NRG2: variants seen among roughly 807,000 people sequenced by gnomAD.
NRG2 encodes neuregulin 2, also known as pro-neuregulin-2, membrane-bound isoform.
In NRG2, 27 loss-of-function variants were observed where a neutral mutation model predicts 73.9. That is an observed-to-expected ratio of 0.37 (90% CI 0.27 to 0.50). The LOEUF is 0.50. Among genes scored for constraint, NRG2 ranks in the 20% least tolerant of loss-of-function variants. NRG2 has a pLI of 0.96. For synonymous variants in NRG2, 532 were observed against 541.0 expected (o/e 0.98, Z 0.23); for missense variants, 1,126 against 1,210.1 (o/e 0.93, Z 1.03).
At chr5:140,028,889 T>A (rs1760910316) in intron 1 of NRG2, among the ~76,000 whole-genome samples, 1 of 152,104 alleles carries the variant, frequency 6.6e-6, no homozygotes. Flanking sequence ...GGCCCTCTCT[T>A]GGGATGCTTA....
chr5:140,034,488 G>C (rs1424893851), intron 1 of NRG2, among the ~76,000 whole-genome samples: 1 of 152,140 alleles, frequency 6.6e-6, no homozygotes, highest in African/African-American at 2.4e-5. Flanking sequence ...CCTAGCCAGT[G>C]TAATAAGGCA....
intron 1 of NRG2, among the ~76,000 whole-genome samples, chr5:139,977,698 AC>A (rs10716353): frequency 0.079 from 12,051 of 152,284 alleles, 690 homozygotes; most frequent in African/African-American, 0.17. Context: ...AAATGATACT[AC>A]AAGGCTACAG....
chr5:140,034,680 A>T (rs1348105572), intron 1 of NRG2, among the ~76,000 whole-genome samples: 1 of 152,200 alleles, frequency 6.6e-6, no homozygotes, highest in Non-Finnish European at 1.5e-5. Context: ...AAAACAAAAC[A>T]ATGATATTTC....
At chr5:140,019,283 G>C (rs984337582) in intron 1 of NRG2, among the ~76,000 whole-genome samples, 1 of 152,340 alleles carries the variant, frequency 6.6e-6, no homozygotes, top group Non-Finnish European at 1.5e-5. Flanking sequence ...ACACAGCCCA[G>C]TTCCAACAAG....
At chr5:139,909,586 T>G (rs543570787) in intron 1 of NRG2, among the ~76,000 whole-genome samples, 1 of 152,344 alleles carries the variant, frequency 6.6e-6, no homozygotes, top group East Asian at 1.9e-4. Context: ...TTAAAAGTCC[T>G]TGGAGGATAT....
chr5:140,015,576 G>A (rs922359175), intron 1 of NRG2, among the ~76,000 whole-genome samples: 1 of 152,208 alleles, frequency 6.6e-6, no homozygotes, highest in African/African-American at 2.4e-5. Context: ...GACTGGATCT[G>A]TGCGGTACCA....
chr5:139,852,654 C>G lies in NRG2; in HGVS notation c.1417-95G>C. 3.9e-6 allele frequency: 6 copies of G among 1,543,940 alleles called. No homozygotes were observed. Among genetic ancestry groups the G allele is most frequent in the Non-Finnish European group, 5.3e-6 (6 of 1,139,758 alleles). ...GGAAGTGATGAGCACTGACTGAGCT[C>G]CTGGTTGGGGAGACCCACTGTGTGA... On this transcript the variant is annotated intron_variant, in intron 7 of 9. Transcript: ENST00000361474. This position sits in a 1 kb window ranked among gnomAD's most constrained non-coding sequence, Gnocchi z 4.4.
At chr5:139,872,180 G>A (rs1298676588) in intron 3 of NRG2, among the ~76,000 whole-genome samples, 1 of 152,188 alleles carries the variant, frequency 6.6e-6, no homozygotes, top group Non-Finnish European at 1.5e-5. Context: ...TTCCCTGCCT[G>A]GCTTTCCGGG....
intron 1 of NRG2, among the ~76,000 whole-genome samples, chr5:139,913,387 C>T (rs577320959): frequency 2.0e-5 from 3 of 152,320 alleles, no homozygotes; most frequent in Admixed American, 6.5e-5. Flanking sequence ...CACCACAAGC[C>T]TTTGTCTAAT....
At chr5:139,906,679 G>A (rs1201811887) in intron 1 of NRG2, among the ~76,000 whole-genome samples, 1 of 152,206 alleles carries the variant, frequency 6.6e-6, no homozygotes, top group Non-Finnish European at 1.5e-5. Context: ...GTAAAGGCTG[G>A]TGGGGATGGA....
chr5:140,025,083 G>A (rs779215704), intron 1 of NRG2, among the ~76,000 whole-genome samples: 8 of 152,112 alleles, frequency 5.3e-5, no homozygotes, highest in Admixed American at 2.0e-4. Flanking sequence ...TTTCCAGGAA[G>A]GACTTTCATT....
chr5:139,884,409 A>AGTGTGGCAGTGTGAGGAAACT (rs1222436396), intron 2 of NRG2, among the ~76,000 whole-genome samples: 1 of 152,176 alleles, frequency 6.6e-6, no homozygotes, highest in Non-Finnish European at 1.5e-5. Flanking sequence ...AGCGGCCGAG[A>AGTGTGGCAGTGTGAGGAAACT]GTGTGGCAGT....
At chr5:139,940,842 TA>T (rs1007073006) in intron 1 of NRG2, among the ~76,000 whole-genome samples, 5 of 151,242 alleles carry the variant, frequency 3.3e-5, no homozygotes, top group Non-Finnish European at 1.5e-5. Context: ...CATGTACATT[TA>T]AAAAAAAAGA....
Position 139,904,161 on chromosome 5 carries a change from C to T in NRG2, c.701-16650G>A. 1 of 746,052 alleles carries T rather than the reference C, an allele frequency of 1.3e-6. No homozygotes were observed. Among genetic ancestry groups the T allele is most frequent in the Non-Finnish European group, 1.9e-6 (1 of 528,580 alleles). 46.2% of individuals were successfully genotyped at this position (746,052 alleles called of 1,614,324 possible). On this transcript the variant is annotated intron_variant, in intron 1 of 9. Coordinates refer to ENST00000361474, the MANE Select transcript of NRG2 (RefSeq NM_004883.3). This position sits in a 1 kb window ranked among gnomAD's most constrained non-coding sequence, Gnocchi z 6.0. ...TCTCCCGGCCGCGACGACCCGCTCG[C>T]ACGCAGGCACGCGCGCCCTCGGTGC...
chr5:139,934,164 A>G (rs763245891), intron 1 of NRG2, among the ~76,000 whole-genome samples: 9 of 152,190 alleles, frequency 5.9e-5, no homozygotes, highest in Admixed American at 6.5e-5. Context: ...GTGCCACTGC[A>G]CTCCAGGCTG....
At chr5:139,855,866 A>AGCCAGCAGC in intron 5 of NRG2, 88 bp from the exon 6 acceptor site, 1 of 1,014,384 alleles carries the variant, frequency 9.9e-7, no homozygotes. Context: ...CCCCAAAGCC[A>AGCCAGCAGC]TAGGCTCTCC....
At chr5:139,919,652 A>G (rs1242520406) in intron 1 of NRG2, among the ~76,000 whole-genome samples, 2 of 152,192 alleles carry the variant, frequency 1.3e-5, no homozygotes, top group Admixed American at 1.3e-4. Context: ...TTGCCAGACT[A>G]ATGACAAGAG....
At chr5:139,935,297 T>C (rs907390145) in intron 1 of NRG2, among the ~76,000 whole-genome samples, 4 of 152,234 alleles carry the variant, frequency 2.6e-5, no homozygotes, top group African/African-American at 9.6e-5. Flanking sequence ...ACACCTTCTC[T>C]GAATAGTTGA....
chr5:139,958,650 A>G (rs1327026993), intron 1 of NRG2, among the ~76,000 whole-genome samples: 2 of 152,206 alleles, frequency 1.3e-5, no homozygotes, highest in Non-Finnish European at 2.9e-5. Flanking sequence ...GACCAAATAA[A>G]AAAAATCCCC....
Sources: allele counts gnomAD v4.1 joint callset (sites outside exome capture counted in the v4.1 genomes callset), GRCh38; gene constraint gnomAD v4.1.1; non-coding constraint Gnocchi (gnomAD v3.1); transcripts MANE v1.5; gene names NCBI Gene and HGNC (gene_info 2026-07-23, HGNC 2026-07-21).